The following PIK3C2G variants were observed in gnomAD, a reference collection of about 807,000 sequenced individuals.
PIK3C2G encodes the protein phosphatidylinositol 3-kinase C2 domain-containing subunit gamma.
PIK3C2G carries 168 observed loss-of-function variants against 181.1 expected under a neutral mutation model. That is an observed-to-expected ratio of 0.93 (90% CI 0.82 to 1.05). The LOEUF (loss-of-function observed/expected upper bound fraction) is 1.05, where lower values mean the gene tolerates loss of function less well. Ranked by LOEUF, PIK3C2G falls within the 50% of genes least tolerant of loss-of-function variation. The pLI, the probability that PIK3C2G is intolerant of heterozygous loss-of-function variation, is 0.00. For synonymous variants in PIK3C2G, 573 were observed against 592.2 expected, an observed-to-expected ratio of 0.97 and a Z score of 0.47; for missense variants, 1,869 against 1,732.8, an observed-to-expected ratio of 1.08 and a Z score of -1.40.
chr12:18,372,156 ATCT>A (rs1311379040), intron 13 of PIK3C2G, among the ~76,000 whole-genome samples: 26 of 152,086 alleles, frequency 1.7e-4, no homozygotes, highest in African/African-American at 5.3e-4. Flanking sequence ...GATATTTCAA[ATCT>A]TCTTTGTTGG....
In PIK3C2G at chr12:18,293,924, A is replaced by G. The variant is rs1249018026; in HGVS notation, c.943A>G (p.Ile315Val). 6.4e-7 allele frequency: 1 copy of G among 1,555,264 alleles called. No individual in the cohort carries two copies. Among genetic ancestry groups the G allele is most frequent in the South Asian group, 1.1e-5 (1 of 89,970 alleles). ...AGCTAATTATCTTGTCAAAGATCTA[A>G]TTGCAGAAATTCTGCATTTTTGCAC... Reference protein sequence around the residue: ...PCANYLVKDLIAEILHFCTND... With the variant: ...PCANYLVKDLVAEILHFCTND... The change falls in exon 5 of 33, where the codon ATT becomes GTT. Residue 315 changes from isoleucine to valine, a missense_variant. Coordinates refer to ENST00000538779, the MANE Select transcript of PIK3C2G (RefSeq NM_001288772.2).
At chr12:18,670,059 C>T in the PIK3C2G span, among the ~76,000 whole-genome samples, 1 of 152,080 alleles carries the variant, frequency 6.6e-6, no homozygotes, top group Non-Finnish European at 1.5e-5. Flanking sequence ...AAGATCCTAC[C>T]TCCTAATACC....
chr12:18,423,146 A>AGTGTGT (rs200060648), intron 17 of PIK3C2G, among the ~76,000 whole-genome samples: 4 of 149,370 alleles, frequency 2.7e-5, no homozygotes, highest in African/African-American at 7.4e-5. Flanking sequence ...AGAGAGAGAG[A>AGTGTGT]GTGTGTGTGT....
chr12:18,412,823 CTT>C (rs1378433709), intron 16 of PIK3C2G, among the ~76,000 whole-genome samples: 1 of 152,144 alleles, frequency 6.6e-6, no homozygotes, highest in South Asian at 2.1e-4. Flanking sequence ...CCATTGGTCA[CTT>C]ATTACCTCCA....
chr12:18,649,517 C>T (rs535309), downstream of PIK3C2G, among the ~76,000 whole-genome samples: 9 of 152,074 alleles, frequency 5.9e-5, no homozygotes, highest in Non-Finnish European at 1.2e-4. Context: ...AAAACTTTCT[C>T]GTTACCCCAC....
At position 18,497,660 on chromosome 12, in the gene PIK3C2G, T is replaced by C; in HGVS notation, c.2928T>C (p.Leu976=). 1 of 1,612,614 alleles carries C rather than the reference T, an allele frequency of 6.2e-7. No individual in the cohort carries two copies. The highest frequency in any genetic ancestry group is 1.1e-5 in the South Asian group (1 of 91,030). Residue 976 remains leucine, a synonymous_variant, in exon 22 of 33, where the codon CTT becomes CTC. Transcript: ENST00000538779. The part of the protein sequence containing the change: ...DLRQDMLVLQ[L]IQVMDNIWLQ... ...GTCAGGATATGCTTGTTCTGCAGCT[T>C]ATTCAAGTGATGGACAATATTTGGC...
At chr12:18,693,834 TCC>T in the PIK3C2G span, 1 of 1,529,678 alleles carries the variant, frequency 6.5e-7, no homozygotes, top group Non-Finnish European at 9.0e-7. Context: ...AAGATTGAGT[TCC>T]CCCTGCCTGA....
chr12:18,381,185 C>T (rs1942809323), intron 13 of PIK3C2G, among the ~76,000 whole-genome samples: 2 of 152,142 alleles, frequency 1.3e-5, no homozygotes, highest in African/African-American at 2.4e-5. Flanking sequence ...AATTTACCAC[C>T]GATTTTTAAA....
At chr12:18,495,873 T>C (rs1006619612) in intron 20 of PIK3C2G, among the ~76,000 whole-genome samples, 189 bp from the exon 21 acceptor site, 3 of 152,106 alleles carry the variant, frequency 2.0e-5, no homozygotes, top group African/African-American at 7.2e-5. Context: ...AAGGCTCCAG[T>C]TGATGGACTA....
intron 31 of PIK3C2G, among the ~76,000 whole-genome samples, chr12:18,626,345 A>AAC (rs1278713916): frequency 6.6e-6 from 1 of 151,934 alleles, no homozygotes; most frequent in Non-Finnish European, 1.5e-5. Context: ...TTTATGTCTG[A>AAC]ATATATATTA....
chr12:18,644,024 A>G (rs1949985679), intron 32 of PIK3C2G, among the ~76,000 whole-genome samples: 1 of 152,142 alleles, frequency 6.6e-6, no homozygotes, highest in African/African-American at 2.4e-5. Flanking sequence ...TTTTATTCCT[A>G]TCCTCCTTTC....
At chr12:18,513,490 C>G (rs1159075323) in intron 24 of PIK3C2G, among the ~76,000 whole-genome samples, 2 of 151,416 alleles carry the variant, frequency 1.3e-5, no homozygotes, top group Non-Finnish European at 3.0e-5. Context: ...TTGGGCTATT[C>G]AGATTTTCTG....
intron 18 of PIK3C2G, among the ~76,000 whole-genome samples, chr12:18,477,295 A>G (rs1939099023): frequency 6.6e-6 from 1 of 152,220 alleles, no homozygotes; most frequent in Admixed American, 6.5e-5. Flanking sequence ...AGATTAAACG[A>G]CAGGACAGAC....
chr12:18,674,740 G>A, the PIK3C2G span, among the ~76,000 whole-genome samples: 7 of 152,118 alleles, frequency 4.6e-5, no homozygotes, highest in East Asian at 1.9e-4. Flanking sequence ...TAACTAACAC[G>A]ATAGAGTGAA....
At chr12:18,632,095 C>T (rs896828788) in intron 31 of PIK3C2G, among the ~76,000 whole-genome samples, 3 of 151,970 alleles carry the variant, frequency 2.0e-5, no homozygotes, top group African/African-American at 7.3e-5. Context: ...GTGAAAATAT[C>T]CTATGGTGCA....
intron 29 of PIK3C2G, among the ~76,000 whole-genome samples, chr12:18,571,617 G>A (rs1002166987): frequency 1.3e-5 from 2 of 150,420 alleles, no homozygotes; most frequent in Non-Finnish European, 1.5e-5. Flanking sequence ...TATCTCTAAC[G>A]ATGCCTTTTG....
chr12:18,723,770 G>C, the PIK3C2G span, among the ~76,000 whole-genome samples: 608 of 152,222 alleles, frequency 4.0e-3, 3 homozygotes, highest in African/African-American at 0.013. Flanking sequence ...AGAAAGGAAT[G>C]TGGGAGAAAA....
intron 7 of PIK3C2G, among the ~76,000 whole-genome samples, chr12:18,323,402 A>C (rs1951194972): frequency 6.6e-6 from 1 of 152,310 alleles, no homozygotes; most frequent in African/African-American, 2.4e-5. Flanking sequence ...CTTGGCAACC[A>C]TCACACAAAT....
the PIK3C2G span, among the ~76,000 whole-genome samples, chr12:18,710,890 G>T: frequency 6.6e-6 from 1 of 152,128 alleles, no homozygotes; most frequent in African/African-American, 2.4e-5. Flanking sequence ...AACAACAGGT[G>T]CTGGAGAGGA....
Sources: gnomAD v4.1 joint callset for allele counts (sites outside exome capture counted in the v4.1 genomes callset) on GRCh38, gnomAD v4.1.1 for gene constraint, MANE v1.5 for transcripts, NCBI Gene and HGNC (gene_info 2026-07-23, HGNC 2026-07-21) for gene names.